EXD2: variants seen among roughly 807,000 people sequenced by gnomAD.
EXD2 encodes exonuclease 3'-5' domain-containing protein 2.
In EXD2, 40 loss-of-function variants were observed where a neutral mutation model predicts 62.5. The ratio of observed to expected loss-of-function variants is 0.64; its 90% confidence interval spans 0.50 to 0.83. The LOEUF is 0.83. Among genes scored for constraint, EXD2 ranks in the 40% least tolerant of loss-of-function variants. The pLI is 0.00. For missense variants in EXD2, 671 were observed against 761.8 expected (o/e 0.88, Z 1.40); for synonymous variants, 239 against 291.9 (o/e 0.82, Z 1.85).
Position 69,230,452 on chromosome 14 carries a change from G to T in EXD2, c.591-20G>T. On this transcript the variant is annotated intron_variant, in intron 4 of 9. Coordinates refer to ENST00000685843, the MANE Select transcript of EXD2 (RefSeq NM_001193360.2). Reference sequence around the variant, plus strand: ...GTCCTTTGCCCGTTTTTGATGCATGGTTTTCTTTGTTTCTTTTAGAAACAA... The same window carrying T: ...GTCCTTTGCCCGTTTTTGATGCATGTTTTTCTTTGTTTCTTTTAGAAACAA... 6.4e-7 allele frequency: 1 copy of T among 1,566,748 alleles called. No homozygotes were observed. Among genetic ancestry groups the T allele is most frequent in the Admixed American group, 1.9e-5 (1 of 53,018 alleles).
chr14:69,211,017 G>A (rs1249320904), intron 3 of EXD2, among the ~76,000 whole-genome samples: 2 of 152,162 alleles, frequency 1.3e-5, no homozygotes, highest in African/African-American at 2.4e-5. Flanking sequence ...GTTGCTGAAG[G>A]TTGGAGTTCC....
intron 6 of EXD2, 43 bp from the exon 7 acceptor site, chr14:69,236,003 C>T (rs375768430): frequency 2.7e-6 from 4 of 1,472,566 alleles, no homozygotes; most frequent in Middle Eastern, 1.7e-4. Context: ...TTTTGACCCA[C>T]AGTTAGCTTC....
At chr14:69,203,878 C>G (rs921225540) in intron 1 of EXD2, 39 bp from the exon 2 acceptor site, 1 of 152,166 alleles carries the variant, frequency 6.6e-6, no homozygotes, top group African/African-American at 2.4e-5. Flanking sequence ...TTACTTAAGC[C>G]TCACAGTAAT....
intron 1 of EXD2, chr14:69,195,931 A>G (rs1260633704): frequency 2.0e-5 from 3 of 152,200 alleles, no homozygotes; most frequent in African/African-American, 7.2e-5. Context: ...CAAACTGCTG[A>G]CTTAAAACAA....
At chr14:69,240,480 C>T (rs994227075) in intron 9 of EXD2, among the ~76,000 whole-genome samples, 4 of 152,134 alleles carry the variant, frequency 2.6e-5, no homozygotes, top group African/African-American at 4.8e-5. Context: ...ACATGCGGGC[C>T]GATTTAACAG....
chr14:69,211,968 C>T (rs1318492042), intron 3 of EXD2, among the ~76,000 whole-genome samples: 1 of 152,144 alleles, frequency 6.6e-6, no homozygotes. Context: ...TCCACATTTC[C>T]CTTTAGGCAT....
chr14:69,195,239 T>A (rs1418939631), intron 1 of EXD2, among the ~76,000 whole-genome samples: 1 of 145,972 alleles, frequency 6.9e-6, no homozygotes, highest in Admixed American at 6.8e-5. Flanking sequence ...AAAAGAGAGA[T>A]GAGGTCTCAC....
chr14:69,205,075 T>G (rs2140216946), intron 2 of EXD2, among the ~76,000 whole-genome samples: 1 of 152,334 alleles, frequency 6.6e-6, no homozygotes, highest in Admixed American at 6.5e-5. Context: ...TTTTTGTGAA[T>G]AGATTTAATT....
chr14:69,193,989 C>T (rs2140171537), intron 1 of EXD2, among the ~76,000 whole-genome samples: 1 of 152,240 alleles, frequency 6.6e-6, no homozygotes, highest in Non-Finnish European at 1.5e-5. Flanking sequence ...AAATCCTTCT[C>T]TACTTTTAGA....
At chr14:69,231,691 C>G (rs957500804) in intron 5 of EXD2, among the ~76,000 whole-genome samples, 3 of 152,080 alleles carry the variant, frequency 2.0e-5, no homozygotes, top group African/African-American at 7.2e-5. Flanking sequence ...GCCTTCTCTC[C>G]TAGAGCCCTC....
At chr14:69,199,210 C>T (rs2042307656) in intron 1 of EXD2, among the ~76,000 whole-genome samples, 3 of 152,230 alleles carry the variant, frequency 2.0e-5, no homozygotes, top group Admixed American at 2.0e-4. Context: ...CGCCACTGCA[C>T]ACCAGCCTGG....
At chr14:69,229,096 A>G (rs1330241155) in intron 4 of EXD2, 24 bp downstream of exon 4, 1 of 1,611,172 alleles carries the variant, frequency 6.2e-7, no homozygotes, top group Non-Finnish European at 8.5e-7. Context: ...GAATGCTGGG[A>G]TTCCTATAGC....
chr14:69,196,073 A>G (rs1201121314), intron 1 of EXD2: 1 of 152,198 alleles, frequency 6.6e-6, no homozygotes, highest in Non-Finnish European at 1.5e-5. Flanking sequence ...GTTGTTGGCA[A>G]TCCATGGCAT....
intron 3 of EXD2, among the ~76,000 whole-genome samples, chr14:69,221,958 C>T (rs1380826976): frequency 2.1e-5 from 3 of 141,990 alleles, no homozygotes; most frequent in South Asian, 2.3e-4. Flanking sequence ...CGTGGTGGTG[C>T]GCACCTGTAA....
intron 3 of EXD2, among the ~76,000 whole-genome samples, chr14:69,223,850 C>T (rs147768061): frequency 1.3e-5 from 2 of 152,146 alleles, no homozygotes; most frequent in Non-Finnish European, 2.9e-5. Flanking sequence ...CCATTCTTGC[C>T]CTGCTATAAA....
intron 3 of EXD2, among the ~76,000 whole-genome samples, chr14:69,218,991 G>C (rs935048384): frequency 3.3e-5 from 5 of 152,142 alleles, no homozygotes; most frequent in Non-Finnish European, 2.9e-5. Context: ...GGCAATGCAG[G>C]CTGTTTTTTG....
At chr14:69,228,168 G>A (rs2043426300) in intron 3 of EXD2, among the ~76,000 whole-genome samples, 2 of 149,152 alleles carry the variant, frequency 1.3e-5, no homozygotes, top group Admixed American at 6.7e-5. Context: ...TCTACTCCTG[G>A]GCCTTTTTTC....
chr14:69,216,507 A>T (rs1025138741), intron 3 of EXD2, among the ~76,000 whole-genome samples: 8 of 152,220 alleles, frequency 5.3e-5, no homozygotes, highest in African/African-American at 1.7e-4. Flanking sequence ...GGCTCACTGC[A>T]GCCTCCACCT....
chr14:69,207,207 T>C (rs2042632739), intron 2 of EXD2, among the ~76,000 whole-genome samples: 1 of 152,126 alleles, frequency 6.6e-6, no homozygotes, highest in South Asian at 2.1e-4. Context: ...TGAAATTTTT[T>C]TTTTGGCCCA....
Sources: gnomAD v4.1 joint callset for allele counts (sites outside exome capture counted in the v4.1 genomes callset) on GRCh38, gnomAD v4.1.1 for gene constraint, MANE v1.5 for transcripts, NCBI Gene and HGNC (gene_info 2026-07-23, HGNC 2026-07-21) for gene names.